GNG7: variants seen among roughly 807,000 people sequenced by gnomAD.
GNG7 encodes guanine nucleotide-binding protein G(I)/G(S)/G(O) subunit gamma-7.
A neutral mutation model predicts 4.0 loss-of-function variants in GNG7; 1 was observed. The ratio of observed to expected loss-of-function variants is 0.25; its 90% CI spans 0.09 to 1.18. GNG7 has a LOEUF of 1.18. Ranked by LOEUF, GNG7 falls within the 50% of genes most tolerant of loss-of-function variation. The pLI is 0.50. For missense variants in GNG7, 86 were observed against 91.9 expected (o/e 0.94, Z 0.26); for synonymous variants, 34 against 36.9 (o/e 0.92, Z 0.29).
At chr19:2,659,212 G>A (rs368542421) in intron 1 of GNG7, among the ~76,000 whole-genome samples, 35 of 151,264 alleles carry the variant, frequency 2.3e-4, no homozygotes, top group South Asian at 1.5e-3. Flanking sequence ...CTCGTGATCC[G>A]CCCACCTTGG....
intron 1 of GNG7, among the ~76,000 whole-genome samples, chr19:2,669,445 GTGCCAC>G (rs1465249436): frequency 2.0e-5 from 3 of 152,110 alleles, no homozygotes; most frequent in Non-Finnish European, 4.4e-5. Flanking sequence ...AGCCGGGATC[GTGCCAC>G]TGCACTCCAG....
Position 2,520,669 on chromosome 19 carries a change from A to G in GNG7, c.20T>C (p.Ile7Thr). 2 of 1,548,288 alleles carry G rather than the reference A, an allele frequency of 1.3e-6. No individual in the cohort carries two copies. The highest frequency in any genetic ancestry group is 1.8e-6 in the Non-Finnish European group (2 of 1,142,526). The change falls in exon 4 of 5, where the codon ATA becomes ACA. Residue 7 changes from isoleucine to threonine, a missense_variant. Physicochemically the swap from Ile to Thr is moderately conservative, Grantham distance 89. Coordinates refer to ENST00000382159, the MANE Select transcript of GNG7 (RefSeq NM_052847.3). MSATNNIAQARKLVEQL... is the reference protein window; with the variant it reads MSATNNTAQARKLVEQL... Reference sequence around the variant, plus strand: ...TTCCACCAGCTTCCGGGCCTGGGCTATGTTGTTAGTGGCTGACATTGTCTG... The same window carrying G: ...TTCCACCAGCTTCCGGGCCTGGGCTGTGTTGTTAGTGGCTGACATTGTCTG...
At chr19:2,568,449 CAT>C (rs1409744240) in intron 2 of GNG7, among the ~76,000 whole-genome samples, 1 of 83,454 alleles carries the variant, frequency 1.2e-5, no homozygotes, top group Admixed American at 1.3e-4. Flanking sequence ...TACACACATA[CAT>C]ATACATACAC....
intron 3 of GNG7, among the ~76,000 whole-genome samples, chr19:2,535,569 T>C (rs1978710307): frequency 6.6e-6 from 1 of 152,150 alleles, no homozygotes. Context: ...AGACATTTGC[T>C]TGGGGCCTGA....
chr19:2,615,518 A>C (rs1055692147), intron 2 of GNG7, among the ~76,000 whole-genome samples: 1 of 127,622 alleles, frequency 7.8e-6, no homozygotes, highest in Non-Finnish European at 1.5e-5. Flanking sequence ...GCTGGAGTGC[A>C]GTGGTGCAGT....
At chr19:2,539,308 CTTT>C (rs869058899) in intron 3 of GNG7, among the ~76,000 whole-genome samples, 1 of 118,008 alleles carries the variant, frequency 8.5e-6, no homozygotes. Flanking sequence ...TATATACCAA[CTTT>C]TTTTTTTTTT....
At chr19:2,665,576 G>A (rs1287634828) in intron 1 of GNG7, among the ~76,000 whole-genome samples, 3 of 152,290 alleles carry the variant, frequency 2.0e-5, no homozygotes, top group South Asian at 2.1e-4. Context: ...GGGTGGGGAC[G>A]TACGCTCTGG....
intron 3 of GNG7, among the ~76,000 whole-genome samples, chr19:2,552,854 C>CG (rs1027075933): frequency 7.0e-4 from 94 of 134,078 alleles, no homozygotes; most frequent in Middle Eastern, 3.8e-3. Context: ...CGGCTCCACC[C>CG]CCCCCACCTC....
chr19:2,644,899 A>T (rs180955263), intron 2 of GNG7, among the ~76,000 whole-genome samples: 1 of 152,242 alleles, frequency 6.6e-6, no homozygotes, highest in East Asian at 1.9e-4. Flanking sequence ...TCTTTGCCTT[A>T]TTGCTAAATT....
Position 2,661,293 on chromosome 19 carries a change from A to AG in GNG7, c.-134-15014dup, listed in dbSNP as rs1491167823. ...AGAAAAGAAAGAAAGAAAGAAAGAAAGAAAGAAAGAGAAAGAAAGAAAGAA... is the reference window on the plus strand; with the variant it reads ...AGAAAAGAAAGAAAGAAAGAAAGAAAGGAAAGAAAGAGAAAGAAAGAAAGAA... On this transcript the variant is annotated intron_variant, in intron 1 of 4. Transcript: ENST00000382159. 1.9e-3 allele frequency among the ~76,000 whole-genome samples: 68 copies of AG among 35,638 alleles called. 5 individuals carry two copies. Among genetic ancestry groups the AG allele is most frequent in the Middle Eastern group, 0.01 (1 of 100 alleles). The allele number at this position is 35,638 out of a possible 152,430, so 23.4% of individuals were successfully genotyped here. A position where few individuals can be genotyped will look rare whatever the true frequency, so the allele number is the denominator to read the frequency against.
intron 1 of GNG7, among the ~76,000 whole-genome samples, chr19:2,652,606 C>T (rs545541238): frequency 6.6e-6 from 1 of 151,932 alleles, no homozygotes; most frequent in Admixed American, 6.6e-5. Flanking sequence ...GGGAACAGAG[C>T]GAGACTCCAT....
At chr19:2,547,934 C>T (rs1315086035) in intron 3 of GNG7, among the ~76,000 whole-genome samples, 3 of 152,214 alleles carry the variant, frequency 2.0e-5, no homozygotes, top group Non-Finnish European at 4.4e-5. Flanking sequence ...CAGCAGGGGC[C>T]GGCCCGTCCG....
At chr19:2,548,933 C>T (rs1011610740) in intron 3 of GNG7, among the ~76,000 whole-genome samples, 1 of 152,178 alleles carries the variant, frequency 6.6e-6, no homozygotes, top group Non-Finnish European at 1.5e-5. Flanking sequence ...GTGAACTGTG[C>T]ATGTTGTTTG....
chr19:2,583,177 G>C (rs71339119), intron 2 of GNG7, among the ~76,000 whole-genome samples: 1 of 152,064 alleles, frequency 6.6e-6, no homozygotes, highest in African/African-American at 2.4e-5. Context: ...TCATGGACTA[G>C]CAGACAGTGG....
intron 2 of GNG7, among the ~76,000 whole-genome samples, chr19:2,563,111 A>ATTTT (rs1027230191): frequency 1.3e-5 from 2 of 148,392 alleles, no homozygotes; most frequent in Admixed American, 1.3e-4. Context: ...CGCCCAGCTA[A>ATTTT]TTTTTTTTTT....
At chr19:2,610,968 G>A (rs1261181422) in intron 2 of GNG7, 3 of 133,640 alleles carry the variant, frequency 2.2e-5, no homozygotes, top group East Asian at 5.1e-4. Flanking sequence ...ACGAGGGGGC[G>A]GGTGGGAGGG....
intron 1 of GNG7, among the ~76,000 whole-genome samples, chr19:2,684,632 G>C (rs962788785): frequency 2.0e-5 from 3 of 152,190 alleles, no homozygotes; most frequent in African/African-American, 7.2e-5. Flanking sequence ...AGGCACAGAA[G>C]GACACATCCT....
intron 2 of GNG7, chr19:2,611,000 G>A (rs1429280895): frequency 4.4e-5 from 3 of 68,260 alleles, no homozygotes; most frequent in Non-Finnish European, 9.6e-5. Flanking sequence ...TCACGTGCCA[G>A]GCTCGGGGGG....
At chr19:2,539,044 T>C (rs1399008778) in intron 3 of GNG7, among the ~76,000 whole-genome samples, 1 of 152,274 alleles carries the variant, frequency 6.6e-6, no homozygotes, top group Non-Finnish European at 1.5e-5. Context: ...GTGCTGGGAT[T>C]ACAGGCGTGA....
Sources: allele counts gnomAD v4.1 joint callset (sites outside exome capture counted in the v4.1 genomes callset), GRCh38; gene constraint gnomAD v4.1.1; transcripts MANE v1.5; gene names NCBI Gene and HGNC (gene_info 2026-07-23, HGNC 2026-07-21).